The following NELL2 variants were observed in gnomAD, a reference collection of about 807,000 sequenced individuals.
NELL2 encodes the protein neural EGFL like 2.
A neutral mutation model predicts 109.6 loss-of-function variants in NELL2; 41 were observed. The observed-to-expected ratio is 0.37, with a 90% CI of 0.29 to 0.49. The LOEUF (loss-of-function observed/expected upper bound fraction) is 0.49. Among genes scored for constraint, NELL2 ranks in the 20% least tolerant of loss-of-function variants. The pLI is 0.98. For missense variants in NELL2, 900 were observed against 1,008.3 expected (o/e 0.89, Z 1.45); for synonymous variants, 355 against 344.7 (o/e 1.03, Z -0.33).
At chr12:44,630,981 C>T (rs1166714585) in intron 13 of NELL2, among the ~76,000 whole-genome samples, 1 of 151,732 alleles carries the variant, frequency 6.6e-6, no homozygotes, top group Non-Finnish European at 1.5e-5. Flanking sequence ...TCTAGTTTAC[C>T]CAAATTCTAT....
At chr12:44,686,223 T>C (rs1436806937) in intron 12 of NELL2, among the ~76,000 whole-genome samples, 9 of 152,250 alleles carry the variant, frequency 5.9e-5, no homozygotes, top group Non-Finnish European at 1.0e-4. Flanking sequence ...CTGAGGCGTC[T>C]GCATTCTTCA....
chr12:44,711,595 A>G (rs59593983), intron 10 of NELL2, among the ~76,000 whole-genome samples: 13,719 of 152,116 alleles, frequency 0.09, 2,024 homozygotes, highest in African/African-American at 0.31. Flanking sequence ...CTTTAGAATA[A>G]GAATCAGCCA....
intron 13 of NELL2, among the ~76,000 whole-genome samples, chr12:44,656,476 A>G (rs1445474542): frequency 1.3e-5 from 2 of 152,222 alleles, no homozygotes; most frequent in Non-Finnish European, 2.9e-5. Context: ...TCCCAGTGAG[A>G]AATAAGACAT....
At chr12:44,539,812 G>C (rs1942467435) in intron 15 of NELL2, among the ~76,000 whole-genome samples, 1 of 152,136 alleles carries the variant, frequency 6.6e-6, no homozygotes, top group South Asian at 2.1e-4. Context: ...ACTTAGAAAA[G>C]AACTAGACAC....
chr12:44,771,975 C>T (rs1252272617), intron 9 of NELL2, among the ~76,000 whole-genome samples: 2 of 152,210 alleles, frequency 1.3e-5, no homozygotes, highest in East Asian at 1.9e-4. Flanking sequence ...TTAGGTTATA[C>T]GCTTTACCTT....
At chr12:44,741,774 C>T (rs151240696) in intron 9 of NELL2, among the ~76,000 whole-genome samples, 2,947 of 152,228 alleles carry the variant, frequency 0.019, 49 homozygotes, top group African/African-American at 0.043. Flanking sequence ...CCACCATTGC[C>T]GAGTTAGTTG....
intron 15 of NELL2, among the ~76,000 whole-genome samples, chr12:44,599,291 C>G (rs1791434354): frequency 6.6e-6 from 1 of 151,836 alleles, no homozygotes. Flanking sequence ...GGCAATAGAG[C>G]AATGCTGTAA....
chr12:44,794,584 T>C (rs1308239816), intron 3 of NELL2, among the ~76,000 whole-genome samples: 1 of 152,186 alleles, frequency 6.6e-6, no homozygotes. Context: ...CGTTATTTCC[T>C]AGCTCTAATT....
chr12:44,905,057 T>C (rs529944611), intron 1 of NELL2, among the ~76,000 whole-genome samples: 2 of 152,176 alleles, frequency 1.3e-5, no homozygotes, highest in South Asian at 4.1e-4. Context: ...AACTTCTTTA[T>C]CAGAGTGCTA....
intron 13 of NELL2, among the ~76,000 whole-genome samples, chr12:44,650,299 ATT>A (rs10572082): frequency 0.39 from 55,082 of 142,776 alleles, 11,976 homozygotes; most frequent in African/African-American, 0.61. Context: ...CCACCCCCCA[ATT>A]TTTTTTTTTT....
At chr12:44,744,157 C>T (rs1361737305) in intron 9 of NELL2, among the ~76,000 whole-genome samples, 7 of 152,058 alleles carry the variant, frequency 4.6e-5, no homozygotes, top group Admixed American at 6.6e-5. Context: ...CACTCAAAAC[C>T]GCTCAACTAC....
At chr12:44,726,915 T>C (rs1185840990) in intron 9 of NELL2, among the ~76,000 whole-genome samples, 1 of 148,822 alleles carries the variant, frequency 6.7e-6, no homozygotes, top group African/African-American at 2.6e-5. Context: ...TTGAAAACAT[T>C]AAGTGTACAG....
chr12:44,572,028 G>A (rs1335605103), intron 15 of NELL2, among the ~76,000 whole-genome samples: 4 of 152,006 alleles, frequency 2.6e-5, no homozygotes, highest in Admixed American at 6.5e-5. Context: ...AAGAAAAAAA[G>A]GACTCTTTCT....
At chr12:44,718,075 G>C (rs1938583237) in intron 9 of NELL2, among the ~76,000 whole-genome samples, 1 of 152,172 alleles carries the variant, frequency 6.6e-6, no homozygotes, top group Non-Finnish European at 1.5e-5. Context: ...AGATTTGAAA[G>C]AGAAAACTGA....
At chr12:44,570,654 G>A (rs1943832690) in intron 15 of NELL2, among the ~76,000 whole-genome samples, 2 of 152,118 alleles carry the variant, frequency 1.3e-5, no homozygotes, top group Admixed American at 6.6e-5. Context: ...AATTTGGGGT[G>A]TTGGCTCAAA....
rs535501234 is a variant in NELL2 at position 44,732,701 on chromosome 12, C to T, written c.995-17960G>A. Among the ~76,000 whole-genome samples the T allele has an allele frequency of 2.4e-4, 37 of 151,924 alleles. No individual in the cohort carries two copies. The East Asian group carries it at 3.3e-3, about 13-fold the overall frequency. On this transcript the variant is annotated intron_variant, in intron 9 of 19. Coordinates refer to ENST00000429094, the MANE Select transcript of NELL2 (RefSeq NM_001145108.2). ...GGCAACAAAAGCAAAAATAGAGAAA[C>T]GGGACTACAACAAACTAACAAACTT...
intron 9 of NELL2, among the ~76,000 whole-genome samples, chr12:44,733,497 T>G (rs1939478184): frequency 6.6e-6 from 1 of 151,750 alleles, no homozygotes; most frequent in South Asian, 2.1e-4. Flanking sequence ...ACATGAGGTA[T>G]GCAAAGGGGT....
At position 44,861,754 on chromosome 12, in the gene NELL2, C is replaced by T. The variant is rs555223497; in HGVS notation, c.184+13471G>A. Among the ~76,000 whole-genome samples, 7 of 152,348 alleles carry T rather than the reference C, an allele frequency of 4.6e-5. No individual in the cohort carries two copies. The East Asian group carries it at 1.4e-3, about 29-fold the overall frequency. On this transcript the variant is annotated intron_variant, in intron 2 of 19. Transcript: ENST00000429094. ...CAATCAGTGAGTCCAGGCAACAGGC[C>T]TGCCAAACTGCTAACCCAGTCACCA...
chr12:44,538,442 C>T (rs11182528), intron 15 of NELL2, among the ~76,000 whole-genome samples: 8 of 152,198 alleles, frequency 5.3e-5, no homozygotes, highest in Non-Finnish European at 8.8e-5. Flanking sequence ...TTACAACACA[C>T]GTTCACATTC....
Sources: gnomAD v4.1 joint callset for allele counts (sites outside exome capture counted in the v4.1 genomes callset) on GRCh38, gnomAD v4.1.1 for gene constraint, MANE v1.5 for transcripts, NCBI Gene and HGNC (gene_info 2026-07-23, HGNC 2026-07-21) for gene names.